EGFLAM: variants seen among roughly 807,000 people sequenced by gnomAD.
EGFLAM encodes the protein pikachurin.
Under a neutral mutation model 113.1 loss-of-function variants are expected in EGFLAM, and 79 were observed. The observed-to-expected ratio is 0.70, with a 90% CI of 0.58 to 0.84. The LOEUF (loss-of-function observed/expected upper bound fraction) is 0.84. Ranked by LOEUF, EGFLAM falls within the 40% of genes least tolerant of loss-of-function variation. The pLI, the probability that EGFLAM is intolerant of heterozygous loss-of-function variation, is 0.00. For missense variants in EGFLAM, 1,265 were observed against 1,291.6 expected, an observed-to-expected ratio of 0.98 and a Z score of 0.32; for synonymous variants, 504 against 487.6, an observed-to-expected ratio of 1.03 and a Z score of -0.44.
chr5:38,285,512 G>A (rs1758138434), intron 1 of EGFLAM, among the ~76,000 whole-genome samples: 2 of 152,160 alleles, frequency 1.3e-5, no homozygotes, highest in Non-Finnish European at 2.9e-5. Flanking sequence ...CATACAGAGA[G>A]TGCATCCCCA....
chr5:38,390,097 G>A (rs1740773126), intron 6 of EGFLAM, among the ~76,000 whole-genome samples: 1 of 152,110 alleles, frequency 6.6e-6, no homozygotes, highest in South Asian at 2.1e-4. Flanking sequence ...TACAGGGGCA[G>A]CCCCTGAGTA....
intron 1 of EGFLAM, among the ~76,000 whole-genome samples, chr5:38,266,264 G>T (rs1048866320): frequency 6.6e-6 from 1 of 152,168 alleles, no homozygotes; most frequent in African/African-American, 2.4e-5. Context: ...TCCACACATT[G>T]GGGTTCAAGT....
intron 1 of EGFLAM, among the ~76,000 whole-genome samples, chr5:38,314,874 A>T (rs1738550517): frequency 6.6e-6 from 1 of 152,228 alleles, no homozygotes. Context: ...GATAGAGGCT[A>T]TTCCATTAGC....
chr5:38,371,856 G>A (rs903701002), intron 6 of EGFLAM, among the ~76,000 whole-genome samples: 2 of 152,164 alleles, frequency 1.3e-5, no homozygotes, highest in Non-Finnish European at 2.9e-5. Context: ...AATAGCAGGA[G>A]CTAGGGGCCG....
intron 1 of EGFLAM, among the ~76,000 whole-genome samples, chr5:38,284,819 G>C (rs1467808107): frequency 6.6e-6 from 1 of 152,154 alleles, no homozygotes; most frequent in Non-Finnish European, 1.5e-5. Context: ...ATAATCTTGA[G>C]AAGATAAAGA....
intron 1 of EGFLAM, among the ~76,000 whole-genome samples, chr5:38,270,802 A>C (rs1218236294): frequency 6.6e-6 from 1 of 152,330 alleles, no homozygotes; most frequent in Middle Eastern, 3.4e-3. Context: ...AAGTACCTAA[A>C]CATTTGGTAC....
At chr5:38,463,640 C>T (rs2112303378) in intron 21 of EGFLAM, among the ~76,000 whole-genome samples, 192 bp from the exon 22 acceptor site, 1 of 152,288 alleles carries the variant, frequency 6.6e-6, no homozygotes, top group African/African-American at 2.4e-5. Flanking sequence ...CAATCTGTTC[C>T]TTCAAGGATA....
At chr5:38,260,157 C>T (rs1459044883) in intron 1 of EGFLAM, among the ~76,000 whole-genome samples, 8 of 152,182 alleles carry the variant, frequency 5.3e-5, no homozygotes, top group African/African-American at 1.9e-4. Flanking sequence ...TGTTTCTCTT[C>T]CTGCACGCAC....
chr5:38,306,963 C>T (rs1758733797), intron 1 of EGFLAM, among the ~76,000 whole-genome samples: 1 of 152,148 alleles, frequency 6.6e-6, no homozygotes, highest in African/African-American at 2.4e-5. Flanking sequence ...AACCAAGAAC[C>T]AAGGCCCTGG....
chr5:38,386,204 C>G (rs967513315), intron 6 of EGFLAM, among the ~76,000 whole-genome samples: 6 of 152,184 alleles, frequency 3.9e-5, no homozygotes, highest in Non-Finnish European at 7.3e-5. Context: ...ATCAGCCATT[C>G]ATTTCACAAA....
intron 1 of EGFLAM, among the ~76,000 whole-genome samples, chr5:38,312,035 C>T (rs891177505): frequency 1.3e-5 from 2 of 152,178 alleles, no homozygotes; most frequent in Non-Finnish European, 2.9e-5. Flanking sequence ...ATTTAATTCT[C>T]AAAGCCTGTT....
chr5:38,355,674 TG>T (rs1251907143), intron 5 of EGFLAM, among the ~76,000 whole-genome samples: 4 of 152,240 alleles, frequency 2.6e-5, no homozygotes, highest in Admixed American at 2.6e-4. Flanking sequence ...AAGGTATATG[TG>T]GGTATTATGT....
intron 12 of EGFLAM, among the ~76,000 whole-genome samples, chr5:38,418,590 C>T (rs1741730256): frequency 6.6e-6 from 1 of 152,202 alleles, no homozygotes; most frequent in Non-Finnish European, 1.5e-5. Context: ...TTACCTCACC[C>T]AGTCCAGTGG....
chr5:38,445,878 C>T lies in EGFLAM; in HGVS notation c.2465-2423C>T, dbSNP rs559278384. Among the ~76,000 whole-genome samples the T allele has an allele frequency of 3.3e-5, 5 of 152,266 alleles. No individual in the cohort carries two copies. The East Asian group carries it at 5.8e-4, about 18-fold the overall frequency. Reference sequence around the variant, plus strand: ...TTCTCTCCTGAGCTGGGGGCTGAGCCGGCAGCTGCTGGGGGCGCCCACAGA... The same window carrying T: ...TTCTCTCCTGAGCTGGGGGCTGAGCTGGCAGCTGCTGGGGGCGCCCACAGA... On this transcript the variant is annotated intron_variant, in intron 17 of 21. Transcript: ENST00000322350.
At chr5:38,265,468 T>C (rs997575359) in intron 1 of EGFLAM, among the ~76,000 whole-genome samples, 13 of 152,242 alleles carry the variant, frequency 8.5e-5, no homozygotes, top group African/African-American at 3.1e-4. Context: ...GTGCCTTGCC[T>C]TTGTTTTTGC....
intron 1 of EGFLAM, among the ~76,000 whole-genome samples, chr5:38,267,148 A>G (rs1561255062): frequency 1.3e-5 from 2 of 152,326 alleles, no homozygotes; most frequent in East Asian, 3.9e-4. Context: ...CCCCTTATCT[A>G]AAGACACTTG....
chr5:38,376,339 A>C (rs2112048670), intron 6 of EGFLAM, among the ~76,000 whole-genome samples: 1 of 152,368 alleles, frequency 6.6e-6, no homozygotes, highest in Non-Finnish European at 1.5e-5. Flanking sequence ...TTAATTAAAA[A>C]TAAGTTACAT....
intron 6 of EGFLAM, among the ~76,000 whole-genome samples, chr5:38,404,313 C>G (rs1465545228): frequency 6.6e-6 from 1 of 152,164 alleles, no homozygotes; most frequent in Non-Finnish European, 1.5e-5. Flanking sequence ...GGGTGGAGTC[C>G]TTGTGAATGG....
chr5:38,331,155 A>G (rs1739029969), intron 1 of EGFLAM, among the ~76,000 whole-genome samples: 1 of 152,144 alleles, frequency 6.6e-6, no homozygotes, highest in African/African-American at 2.4e-5. Flanking sequence ...GAGATTTCCC[A>G]TATACTCCCT....
Sources: allele counts gnomAD v4.1 joint callset (sites outside exome capture counted in the v4.1 genomes callset), GRCh38; gene constraint gnomAD v4.1.1; transcripts MANE v1.5; gene names NCBI Gene and HGNC (gene_info 2026-07-23, HGNC 2026-07-21).